Variants in MUC17 observed in about 807,000 individuals in gnomAD.
The protein encoded by MUC17 is mucin 17, cell surface associated, also known as mucin-17.
A neutral mutation model predicts 170.3 loss-of-function variants in MUC17; 190 were observed. The observed-to-expected ratio is 1.12, with a 90% CI of 0.99 to 1.26. The LOEUF is 1.26. Among genes scored for constraint, MUC17 ranks in the 50% most tolerant of loss-of-function variants. The probability of loss-of-function intolerance (pLI) is 0.00; values close to 1 mark genes in which losing one functional copy is unlikely to be tolerated. For missense variants in MUC17, 6,415 were observed against 5,530.0 expected, an observed-to-expected ratio of 1.16 and a Z score of -5.08; for synonymous variants, 2,325 against 2,002.5, an observed-to-expected ratio of 1.16 and a Z score of -4.30.
Position 101,043,076 on chromosome 7 carries a change from C to G in MUC17, c.11660C>G (p.Thr3887Ser). ...TTLLVSTTLPTSFPGASIAST... is the reference protein window; with the variant it reads ...TTLLVSTTLPSSFPGASIAST... ...CTCCTTGTCAGCACCACACTTCCAA[C>G]TAGCTTTCCTGGGGCCAGCATAGCT... Residue 3887 changes from threonine to serine, a missense_variant, in exon 3 of 13, where the codon ACT becomes AGT. Coordinates refer to ENST00000306151, the MANE Select transcript of MUC17 (RefSeq NM_001040105.2). 6.2e-7 allele frequency: 1 copy of G among 1,614,206 alleles called. No individual in the cohort carries two copies.
chr7:101,039,847 C>G lies in MUC17; in HGVS notation c.8431C>G (p.Pro2811Ala). 6.2e-7 allele frequency: 1 copy of G among 1,611,746 alleles called. No individual in the cohort carries two copies. The highest frequency in any genetic ancestry group is 8.5e-7 in the Non-Finnish European group (1 of 1,179,144). ...CTCAACTCCTAGTGAAACAAGTACTCCATTAACTAGTATGCCTGTCAACCA... is the reference window on the plus strand; with the variant it reads ...CTCAACTCCTAGTGAAACAAGTACTGCATTAACTAGTATGCCTGTCAACCA... The part of the protein sequence containing the change: ...PTSTPSETST[P>A]LTSMPVNHTP... Residue 2811 changes from proline (P) to alanine (A), a missense_variant, in exon 3 of 13, where the codon CCA becomes GCA. Pro to Ala is a conservative substitution (Grantham distance 27). Coordinates refer to ENST00000306151, the MANE Select transcript of MUC17 (RefSeq NM_001040105.2).
In MUC17 at chr7:101,034,968, T is replaced by G. The variant is rs780612975; in HGVS notation, c.3552T>G (p.Pro1184=). ...SSEANTLSTT[P]VDSKTQVATS... ...AGGCTAACACCCTTTCAACAACTCC[T>G]GTGGACTCCAAAACTCAGGTGGCCA... Residue 1184 remains proline (P), a synonymous_variant, in exon 3 of 13, where the codon CCT becomes CCG. Coordinates refer to ENST00000306151, the MANE Select transcript of MUC17 (RefSeq NM_001040105.2). 1 of 1,613,726 alleles carries G rather than the reference T, an allele frequency of 6.2e-7. No individual in the cohort carries two copies. Among genetic ancestry groups the G allele is most frequent in the Non-Finnish European group, 8.5e-7 (1 of 1,179,910 alleles).
intron 1 of MUC17, among the ~76,000 whole-genome samples, chr7:101,023,714 G>A (rs574067614): frequency 2.0e-5 from 3 of 152,270 alleles, no homozygotes; most frequent in South Asian, 4.1e-4. Flanking sequence ...CTGATACAGT[G>A]ACTTGTTTTC....
At position 101,035,415 on chromosome 7, in the gene MUC17, T is replaced by G; in HGVS notation, c.3999T>G (p.Ser1333Arg). ...EGTSMPTSTY[S>R]EGRTPLTSIP... Reference sequence around the variant, plus strand: ...CCAGCATGCCAACCTCAACTTATAGTGAAGGAAGAACTCCTTTAACAAGTA... The same window carrying G: ...CCAGCATGCCAACCTCAACTTATAGGGAAGGAAGAACTCCTTTAACAAGTA... Residue 1333 changes from serine (S) to arginine (R), a missense_variant, in exon 3 of 13, where the codon AGT becomes AGG. By Grantham distance (110) the Ser-to-Arg change is moderately radical. Transcript: ENST00000306151. 1.2e-6 allele frequency: 2 copies of G among 1,606,536 alleles called. No homozygotes were observed. The highest frequency in any genetic ancestry group is 1.7e-6 in the Non-Finnish European group (2 of 1,175,170).
At position 101,031,617 on chromosome 7, in the gene MUC17, C is replaced by T. The variant is rs762803281; in HGVS notation, c.201C>T (p.Thr67=). 25 of 1,533,092 alleles carry T rather than the reference C, an allele frequency of 1.6e-5. No individual in the cohort carries two copies. The highest frequency in any genetic ancestry group is 1.8e-4 in the Middle Eastern group (1 of 5,678). 95.0% of individuals were successfully genotyped at this position (1,533,092 alleles called of 1,614,324 possible). A position where few individuals can be genotyped will look rare whatever the true frequency, so the allele number is the denominator to read the frequency against. ...CTTAAACAGGTTCTGCGGCAAACACCGCCACAGGTACAACATCTACAAATG... is the reference window on the plus strand; with the variant it reads ...CTTAAACAGGTTCTGCGGCAAACACTGCCACAGGTACAACATCTACAAATG... ...QHVRTGSAAN[T]ATGTTSTNVV... is the part of the protein sequence containing the mutation. The change falls in exon 3 of 13, where the codon ACC becomes ACT. Residue 67 remains threonine (T), a synonymous_variant. Transcript: ENST00000306151.
At position 101,033,050 on chromosome 7, in the gene MUC17, C is replaced by G; in HGVS notation, c.1634C>G (p.Ser545Cys). ...PVDTSTPVTT[S>C]SEASSSSTTP... ...GACACCAGCACACCTGTGACCACTTCTAGTGAAGCCAGTTCATCTTCTACA... is the reference window on the plus strand; with the variant it reads ...GACACCAGCACACCTGTGACCACTTGTAGTGAAGCCAGTTCATCTTCTACA... Residue 545 changes from serine (S) to cysteine (C), a missense_variant, in exon 3 of 13, where the codon TCT becomes TGT. Transcript: ENST00000306151. 2 of 1,613,730 alleles carry G rather than the reference C, an allele frequency of 1.2e-6. No homozygotes were observed. Among genetic ancestry groups the G allele is most frequent in the Non-Finnish European group, 1.7e-6 (2 of 1,179,974 alleles).
At chr7:101,049,731 G>A (rs187128747) in intron 6 of MUC17, among the ~76,000 whole-genome samples, 2 of 152,278 alleles carry the variant, frequency 1.3e-5, no homozygotes, top group Non-Finnish European at 2.9e-5. Context: ...CAGACTGGAT[G>A]AGGGCCTACA....
chr7:101,052,449 A>G (rs1794964863), intron 9 of MUC17, among the ~76,000 whole-genome samples: 1 of 152,222 alleles, frequency 6.6e-6, no homozygotes. Context: ...GGAAGAAGCC[A>G]CATGTGGGCA....
In MUC17 at chr7:101,053,451, C is replaced by T. The variant is rs763890737; in HGVS notation, c.13363+15C>T. The T allele has an allele frequency of 2.5e-6, 4 of 1,603,850 alleles. No homozygotes were observed. In the African/African-American group the frequency reaches 5.4e-5, roughly 22 times the overall value. ...CATCTGCCAAGGTATTGGCCTTCCT[C>T]TCTGAACTCAGAATGGCTCAAAATG... On this transcript the variant is annotated intron_variant, in intron 11 of 12. Coordinates refer to ENST00000306151, the MANE Select transcript of MUC17 (RefSeq NM_001040105.2).
chr7:101,037,884 T>G lies in MUC17; in HGVS notation c.6468T>G (p.Tyr2156Ter). ...TEGTSMQTSTYSDRRTPLTSM... is the reference protein window; with the variant it reads ...TEGTSMQTST ...GTACCAGCATGCAAACCTCAACTTA[T>G]AGTGACAGAAGAACTCCTTTAACAA... is the stretch of plus-strand genomic sequence containing the variant. Residue 2156 changes from tyrosine to a stop codon, truncating the protein, a stop_gained, in exon 3 of 13, where the codon TAT becomes TAG. Transcript: ENST00000306151. LOFTEE classifies it high-confidence loss of function. The G allele has an allele frequency of 6.2e-7, 1 of 1,610,728 alleles. No homozygotes were observed. Among genetic ancestry groups the G allele is most frequent in the Non-Finnish European group, 8.5e-7 (1 of 1,178,100 alleles).
intron 5 of MUC17, 37 bp downstream of exon 5, chr7:101,049,009 T>A (rs777307390): frequency 1.9e-6 from 3 of 1,613,228 alleles, no homozygotes; most frequent in South Asian, 2.2e-5. Flanking sequence ...AGCTACTCAG[T>A]TCCCCCCAGA....
chr7:101,030,542 T>C (rs1394168336), intron 1 of MUC17, among the ~76,000 whole-genome samples: 1 of 152,126 alleles, frequency 6.6e-6, no homozygotes, highest in Non-Finnish European at 1.5e-5. Context: ...GTTATTCTAA[T>C]AGGTCATATT....
Position 101,036,543 on chromosome 7 carries a change from C to T in MUC17, c.5127C>T (p.Thr1709=), listed in dbSNP as rs768609048. Residue 1709 remains threonine, a synonymous_variant, in exon 3 of 13, where the codon ACC becomes ACT. Transcript: ENST00000306151. ...CGGTGGCCAGCTCTGCAATCAGCAC[C>T]CTTTCAACAACTCCCGTTGACAACA... ...TTPVASSAIS[T]LSTTPVDNST... is the part of the protein sequence containing the mutation. 1.9e-6 allele frequency: 3 copies of T among 1,611,350 alleles called. No homozygotes were observed. The South Asian group carries it at 3.3e-5, about 18-fold the overall frequency.
rs1220603186 is a variant in MUC17, at chr7:101,039,560, C to A, written c.8144C>A (p.Thr2715Asn). 3 of 1,612,482 alleles carry A rather than the reference C, an allele frequency of 1.9e-6. 1 individual carries two copies. The highest frequency in any genetic ancestry group is 3.3e-5 in the Admixed American group (2 of 59,772). The change falls in exon 3 of 13, where the codon ACT (threonine) becomes AAT (asparagine). Residue 2715 changes from threonine (T) to asparagine (N), a missense_variant. Thr to Asn is a moderately conservative substitution (Grantham distance 65). Coordinates refer to ENST00000306151, the MANE Select transcript of MUC17 (RefSeq NM_001040105.2). ...ANSEASTLST[T>N]PVDTSTPVTT... ...TCTGAGGCTAGCACCCTTTCAACAA[C>A]TCCTGTTGACACCAGCACACCTGTC...
chr7:101,042,962 C>T lies in MUC17; in HGVS notation c.11546C>T (p.Ser3849Phe). 1 of 1,614,186 alleles carries T rather than the reference C, an allele frequency of 6.2e-7. No homozygotes were observed. The highest frequency in any genetic ancestry group is 8.5e-7 in the Non-Finnish European group (1 of 1,180,044). ...GATACCAGCACACCTTTGCTCACCT[C>T]TACCAAAGCCGGTTCATTCTCCATA... is the stretch of plus-strand genomic sequence containing the variant. Reference protein sequence around the residue: ...PGDTSTPLLTSTKAGSFSIPA... With the variant: ...PGDTSTPLLTFTKAGSFSIPA... The change falls in exon 3 of 13, where the codon TCT becomes TTT. Residue 3849 changes from serine (S) to phenylalanine (F), a missense_variant. Physicochemically the swap from Ser to Phe is radical, Grantham distance 155. Coordinates refer to ENST00000306151, the MANE Select transcript of MUC17 (RefSeq NM_001040105.2).
At chr7:101,045,051 T>C (rs1562820588) in intron 3 of MUC17, among the ~76,000 whole-genome samples, 1 of 152,200 alleles carries the variant, frequency 6.6e-6, no homozygotes, top group Non-Finnish European at 1.5e-5. Flanking sequence ...AGGGTGAGCG[T>C]TGCACCATTC....
In MUC17 at chr7:101,039,385, C is replaced by T; in HGVS notation, c.7969C>T (p.Pro2657Ser). 6 of 1,608,414 alleles carry T rather than the reference C, an allele frequency of 3.7e-6. No homozygotes were observed. Among genetic ancestry groups the T allele is most frequent in the Non-Finnish European group, 5.1e-6 (6 of 1,178,028 alleles). Residue 2657 changes from proline (P) to serine (S), a missense_variant, in exon 3 of 13, where the codon CCT becomes TCT. Physicochemically the swap from Pro to Ser is moderately conservative, Grantham distance 74 (BLOSUM62 -1). Transcript: ENST00000306151. ...SSEASTLSTT[P>S]VDTRTLVTTS... ...TGAGGCTAGCACCCTTTCAACAACT[C>T]CTGTTGACACCAGGACACTTGTGAC...
intron 11 of MUC17, 41 bp downstream of exon 11, chr7:101,053,477 T>A (rs1448806353): frequency 1.3e-6 from 2 of 1,531,802 alleles, no homozygotes; most frequent in South Asian, 1.1e-5. Context: ...GCTCAAAATG[T>A]GGAAACAGGC....
intron 4 of MUC17, chr7:101,048,334 C>G: frequency 2.9e-6 from 1 of 348,162 alleles, no homozygotes. Flanking sequence ...TGGCTCTCGC[C>G]TGTAATTCCA....
Sources: allele counts gnomAD v4.1 joint callset (sites outside exome capture counted in the v4.1 genomes callset), GRCh38; gene constraint gnomAD v4.1.1; transcripts MANE v1.5; gene names NCBI Gene and HGNC (gene_info 2026-07-23, HGNC 2026-07-21).